The following MPDZ variants were observed in gnomAD, a reference collection of about 807,000 sequenced individuals.
MPDZ encodes multiple PDZ domain crumbs cell polarity complex component.
In MPDZ, 234 loss-of-function variants were observed where a neutral mutation model predicts 239.1. That is an observed-to-expected ratio of 0.98 (90% CI 0.88 to 1.09). The LOEUF is 1.09. Among genes scored for constraint, MPDZ ranks in the 50% least tolerant of loss-of-function variants. The pLI is 0.00. For missense variants in MPDZ, 3,175 were observed against 2,510.0 expected (o/e 1.26, Z -5.66); for synonymous variants, 1,048 against 881.3 (o/e 1.19, Z -3.35).
intron 1 of MPDZ, among the ~76,000 whole-genome samples, chr9:13,269,775 C>T (rs1009269040): frequency 6.6e-6 from 1 of 152,184 alleles, no homozygotes; most frequent in Non-Finnish European, 1.5e-5. Context: ...GTAGTCCACA[C>T]TGCTGAGAAT....
At chr9:13,195,105 T>C (rs1353463492) in intron 13 of MPDZ, among the ~76,000 whole-genome samples, 1 of 151,858 alleles carries the variant, frequency 6.6e-6, no homozygotes, top group Non-Finnish European at 1.5e-5. Context: ...CTGGGCAACA[T>C]GGCAAAACCC....
Position 13,160,514 on chromosome 9 carries a change from T to C in MPDZ, c.3359+2177A>G, listed in dbSNP as rs144033344. 2.0e-5 allele frequency among the ~76,000 whole-genome samples: 3 copies of C among 152,084 alleles called. No individual in the cohort carries two copies. In the East Asian group the frequency reaches 5.9e-4, roughly 30 times the overall value. On this transcript the variant is annotated intron_variant, in intron 23 of 46. Transcript: ENST00000319217. ...CTAGAACTTAACAGGACTCAGATGT[T>C]ACCTGGTGTATTCTTTAAGTAAGTC...
intron 32 of MPDZ, among the ~76,000 whole-genome samples, chr9:13,130,943 T>C (rs1342289308): frequency 6.6e-6 from 1 of 152,064 alleles, no homozygotes; most frequent in African/African-American, 2.4e-5. Flanking sequence ...AAGACCAGAG[T>C]TCAATTCCAG....
intron 27 of MPDZ, among the ~76,000 whole-genome samples, chr9:13,140,678 C>T (rs1947534084): frequency 6.6e-6 from 1 of 151,394 alleles, no homozygotes; most frequent in Non-Finnish European, 1.5e-5. Context: ...ACAAACTTTC[C>T]CTTCTAGAAA....
At chr9:13,170,766 C>T (rs777407185) in intron 21 of MPDZ, among the ~76,000 whole-genome samples, 19 of 152,130 alleles carry the variant, frequency 1.2e-4, no homozygotes, top group Non-Finnish European at 1.0e-4. Context: ...ATTTAACTCA[C>T]GATTCTCAGC....
In MPDZ at chr9:13,192,254, C is replaced by G. The variant is rs1225451243; in HGVS notation, c.1845G>C (p.Val615=). 1 of 1,604,118 alleles carries G rather than the reference C, an allele frequency of 6.2e-7. No homozygotes were observed. Among genetic ancestry groups the G allele is most frequent in the Non-Finnish European group, 8.5e-7 (1 of 1,174,566 alleles). ...ITLLGENHQD[V]VNILKELPIE... ...TAGGCAGTTCTTTTAAGATATTCACCACATCTTGGTGATTTTCCCCAAGTA... is the reference window on the plus strand; with the variant it reads ...TAGGCAGTTCTTTTAAGATATTCACGACATCTTGGTGATTTTCCCCAAGTA... The change falls in exon 15 of 47, where the codon GTG becomes GTC. Residue 615 remains valine, a synonymous_variant. Transcript: ENST00000319217.
intron 22 of MPDZ, among the ~76,000 whole-genome samples, chr9:13,167,882 G>T (rs1218908459): frequency 2.0e-5 from 3 of 152,062 alleles, no homozygotes; most frequent in Non-Finnish European, 4.4e-5. Flanking sequence ...CTATCCCCTG[G>T]GGTCATGAGA....
chr9:13,158,569 C>G (rs1365839355), intron 23 of MPDZ, among the ~76,000 whole-genome samples: 1 of 152,150 alleles, frequency 6.6e-6, no homozygotes, highest in East Asian at 1.9e-4. Flanking sequence ...AGTTTAGTAT[C>G]TCTGCTTCCT....
rs771114285 is a variant in MPDZ at position 13,162,785 on chromosome 9, C to T, written c.3265G>A (p.Val1089Met). ...LIGPDIKITY[V>M]PAEHLEEFKI... is the part of the protein sequence containing the mutation. Reference sequence around the variant, plus strand: ...AACTCTTCCAAATGTTCTGCAGGCACATAAGTAATTCTGGAACAAACCAGA... The same window carrying T: ...AACTCTTCCAAATGTTCTGCAGGCATATAAGTAATTCTGGAACAAACCAGA... The change falls in exon 23 of 47, where the codon GTG becomes ATG. Residue 1089 changes from valine to methionine, a missense_variant. Coordinates refer to ENST00000319217, the MANE Select transcript of MPDZ (RefSeq NM_001378778.1). 2 of 1,608,946 alleles carry T rather than the reference C, an allele frequency of 1.2e-6. No homozygotes were observed. Among genetic ancestry groups the T allele is most frequent in the Non-Finnish European group, 1.7e-6 (2 of 1,176,736 alleles).
chr9:13,194,367 T>TA (rs1209936189), intron 13 of MPDZ, among the ~76,000 whole-genome samples: 1 of 151,672 alleles, frequency 6.6e-6, no homozygotes, highest in African/African-American at 2.4e-5. Context: ...TACACAGCCA[T>TA]AAAAAAGAAT....
intron 32 of MPDZ, among the ~76,000 whole-genome samples, chr9:13,129,633 T>C (rs554255796): frequency 1.3e-5 from 2 of 152,296 alleles, no homozygotes; most frequent in East Asian, 1.9e-4. Flanking sequence ...AGAAGAGATC[T>C]GAGATATTTT....
intron 3 of MPDZ, among the ~76,000 whole-genome samples, chr9:13,236,249 G>GTGTATATATATATATATATATA (rs1329605248): frequency 2.8e-5 from 1 of 35,850 alleles, no homozygotes; most frequent in African/African-American, 1.2e-4. Flanking sequence ...GTGTGTGTGT[G>GTGTATATATATATATATATATA]TATATATATA....
At chr9:13,145,064 T>C (rs987494550) in intron 26 of MPDZ, among the ~76,000 whole-genome samples, 26 of 152,132 alleles carry the variant, frequency 1.7e-4, no homozygotes, top group African/African-American at 5.6e-4. Flanking sequence ...TTATTACTTT[T>C]GCTTTCTTTT....
chr9:13,215,529 A>G lies in MPDZ; in HGVS notation c.1290+1245T>C, dbSNP rs549571958. On this transcript the variant is annotated intron_variant, in intron 10 of 46. Coordinates refer to ENST00000319217, the MANE Select transcript of MPDZ (RefSeq NM_001378778.1). ...GCGAGTGTGAATAATATTGCTATGAATAAGGACTCCTCTACCTTAATATCC... is the reference window on the plus strand; with the variant it reads ...GCGAGTGTGAATAATATTGCTATGAGTAAGGACTCCTCTACCTTAATATCC... Among the ~76,000 whole-genome samples the G allele has an allele frequency of 7.9e-4, 120 of 151,372 alleles. 1 individual carries two copies. The highest frequency in any genetic ancestry group is 2.4e-3 in the African/African-American group (98 of 41,344).
At position 13,106,116 on chromosome 9, in the gene MPDZ, T is replaced by A. The variant is rs1034285132; in HGVS notation, c.*849A>T. On this transcript the variant is annotated 3_prime_UTR_variant, in exon 47 of 47. Coordinates refer to ENST00000319217, the MANE Select transcript of MPDZ (RefSeq NM_001378778.1). ...ACACTAACACATTTTTAATGTTGCA[T>A]CGGTTGTTAAAACCAGCACTAAAGA... 2.0e-5 allele frequency: 3 copies of A among 152,158 alleles called. No homozygotes were observed. The highest frequency in any genetic ancestry group is 7.2e-5 in the African/African-American group (3 of 41,444). The allele number at this position is 152,158 out of a possible 1,614,324, so 9.4% of individuals were successfully genotyped here. A position where few individuals can be genotyped will look rare whatever the true frequency, so the allele number is the denominator to read the frequency against.
At chr9:13,208,644 TATA>T (rs1198358454) in intron 10 of MPDZ, among the ~76,000 whole-genome samples, 5 of 149,950 alleles carry the variant, frequency 3.3e-5, no homozygotes, top group East Asian at 2.0e-4. Context: ...GTAAACAGCA[TATA>T]ATGTCTAAGT....
At position 13,175,772 on chromosome 9, in the gene MPDZ, G is replaced by C; in HGVS notation, c.3035C>G (p.Ala1012Gly). Residue 1012 changes from alanine to glycine, a missense_variant, in exon 21 of 47, where the codon GCA becomes GGA. Ala to Gly is a moderately conservative substitution (Grantham distance 60, BLOSUM62 0). Transcript: ENST00000319217. Reference sequence around the variant, plus strand: ...CTTACCTAGGCTAGAATTGCCTTTTGCTATATTAATAGTCCTTTCAAAAGA... The same window carrying C: ...CTTACCTAGGCTAGAATTGCCTTTTCCTATATTAATAGTCCTTTCAAAAGA... ...KESFERTINI[A>G]KGNSSLGMTV... 7 of 1,570,322 alleles carry C rather than the reference G, an allele frequency of 4.5e-6. No homozygotes were observed. The highest frequency in any genetic ancestry group is 6.1e-6 in the Non-Finnish European group (7 of 1,156,042).
At chr9:13,225,375 T>C (rs1264238201) in intron 3 of MPDZ, among the ~76,000 whole-genome samples, 3 of 151,914 alleles carry the variant, frequency 2.0e-5, no homozygotes, top group South Asian at 2.1e-4. Flanking sequence ...AGAAAACTCA[T>C]TGTTACCAAA....
intron 27 of MPDZ, among the ~76,000 whole-genome samples, chr9:13,141,155 C>T (rs1947614890): frequency 6.6e-6 from 1 of 150,800 alleles, no homozygotes; most frequent in Admixed American, 6.6e-5. Flanking sequence ...AAAATAATTG[C>T]AGTTTTTGCC....
Sources: allele counts gnomAD v4.1 joint callset (sites outside exome capture counted in the v4.1 genomes callset), GRCh38; gene constraint gnomAD v4.1.1; transcripts MANE v1.5; gene names NCBI Gene and HGNC (gene_info 2026-07-23, HGNC 2026-07-21).